Variants in CDC42BPB observed in about 807,000 individuals in gnomAD.
CDC42BPB encodes CDC42 binding protein kinase beta, also known as serine/threonine-protein kinase MRCK beta.
Under a neutral mutation model 214.9 loss-of-function variants are expected in CDC42BPB, and 37 were observed. The ratio of observed to expected loss-of-function variants is 0.17; its 90% confidence interval spans 0.13 to 0.23. The LOEUF (loss-of-function observed/expected upper bound fraction) is 0.23, where lower values mean the gene tolerates loss of function less well. Among genes scored for constraint, CDC42BPB ranks in the 10% least tolerant of loss-of-function variants. CDC42BPB has a pLI of 1.00. For missense variants in CDC42BPB, 1,694 were observed against 2,227.0 expected, an observed-to-expected ratio of 0.76 and a Z score of 4.82; for synonymous variants, 931 against 884.0, an observed-to-expected ratio of 1.05 and a Z score of -0.94.
chr14:103,053,605 C>CA lies in CDC42BPB; in HGVS notation c.175+3393dup, dbSNP rs370364579. Among the ~76,000 whole-genome samples the CA allele has an allele frequency of 1.1e-3, 168 of 149,884 alleles. 1 individual carries two copies. Among genetic ancestry groups the CA allele is most frequent in the African/African-American group, 3.8e-3 (154 of 40,918 alleles). ...TGAAACCCCGTCTCTACTAAAAATACAAAAAAATTAGCCAGGCGTGATGGC... is the reference window on the plus strand; with the variant it reads ...TGAAACCCCGTCTCTACTAAAAATACAAAAAAAATTAGCCAGGCGTGATGGC... On this transcript the variant is annotated intron_variant, in intron 1 of 36. Transcript: ENST00000361246.
chr14:103,009,645 A>T (rs926158950), intron 2 of CDC42BPB, among the ~76,000 whole-genome samples: 1 of 152,224 alleles, frequency 6.6e-6, no homozygotes, highest in Non-Finnish European at 1.5e-5. Flanking sequence ...TTTCTCTCTC[A>T]TTCCTTCATT....
At chr14:102,996,877 T>C (rs569568901) in intron 5 of CDC42BPB, among the ~76,000 whole-genome samples, 1 of 151,654 alleles carries the variant, frequency 6.6e-6, no homozygotes, top group Non-Finnish European at 1.5e-5. Context: ...AAGAAATGTA[T>C]TTTTTAAAAA....
chr14:102,961,677 G>A (rs1269576289), intron 20 of CDC42BPB, among the ~76,000 whole-genome samples: 1 of 152,076 alleles, frequency 6.6e-6, no homozygotes, highest in Admixed American at 6.5e-5. Context: ...CTGAGTAGCT[G>A]GGATTACAGG....
At chr14:103,015,357 C>T (rs1005931029) in intron 1 of CDC42BPB, among the ~76,000 whole-genome samples, 5 of 152,104 alleles carry the variant, frequency 3.3e-5, no homozygotes, top group Admixed American at 2.0e-4. Flanking sequence ...CATGGTGACA[C>T]GCGGCTGTAA....
Position 103,004,181 on chromosome 14 carries a change from A to T in CDC42BPB, c.352-158T>A. Reference sequence around the variant, plus strand: ...CACCACCCCGAGGCTGCTGAGGCTGAGCCATCCCTCATCCCTTCCTCTCCC... The same window carrying T: ...CACCACCCCGAGGCTGCTGAGGCTGTGCCATCCCTCATCCCTTCCTCTCCC... On this transcript the variant is annotated intron_variant, in intron 3 of 36. Coordinates refer to ENST00000361246, the MANE Select transcript of CDC42BPB (RefSeq NM_006035.4). This position sits in a 1 kb window ranked among gnomAD's most constrained non-coding sequence, Gnocchi z 5.3. The T allele has an allele frequency of 7.3e-7, 1 of 1,377,842 alleles. No individual in the cohort carries two copies. Among genetic ancestry groups the T allele is most frequent in the Non-Finnish European group, 9.4e-7 (1 of 1,062,890 alleles). 85.4% of individuals were successfully genotyped at this position (1,377,842 alleles called of 1,614,324 possible).
At chr14:103,016,967 C>T (rs937629864) in intron 1 of CDC42BPB, among the ~76,000 whole-genome samples, 6 of 152,088 alleles carry the variant, frequency 3.9e-5, no homozygotes, top group Non-Finnish European at 7.4e-5. Context: ...CTGCAGCAGC[C>T]GGTGCCCAGA....
At chr14:102,973,671 C>G (rs1402853168) in intron 12 of CDC42BPB, among the ~76,000 whole-genome samples, 21 of 152,200 alleles carry the variant, frequency 1.4e-4, no homozygotes, top group Non-Finnish European at 1.5e-5. Flanking sequence ...GCCACCATGC[C>G]CTATCGACAT....
chr14:102,972,436 C>A, intron 12 of CDC42BPB: 1 of 627,602 alleles, frequency 1.6e-6, no homozygotes, highest in Non-Finnish European at 2.0e-6. Context: ...CCTGTAACCC[C>A]AGCACTTTTG....
At position 102,933,748 on chromosome 14, in the gene CDC42BPB, G is replaced by A. The variant is rs781663654; in HGVS notation, c.5100C>T (p.Pro1700=). 6 of 1,495,482 alleles carry A rather than the reference G, an allele frequency of 4.0e-6. No individual in the cohort carries two copies. Among genetic ancestry groups the A allele is most frequent in the East Asian group, 5.4e-5 (2 of 37,074 alleles). The allele number at this position is 1,495,482 out of a possible 1,614,324, so 92.6% of individuals were successfully genotyped here. ...SPNSPHRSQL[P]LEGLEQPACD... Reference sequence around the variant, plus strand: ...AGGCCGGCTGCTCCAGGCCTTCGAGGGGGAGCTGGCTCCTGTGGGGGGAGT... The same window carrying A: ...AGGCCGGCTGCTCCAGGCCTTCGAGAGGGAGCTGGCTCCTGTGGGGGGAGT... Residue 1700 remains proline, a synonymous_variant, in exon 37 of 37, where the codon CCC becomes CCT. Coordinates refer to ENST00000361246, the MANE Select transcript of CDC42BPB (RefSeq NM_006035.4).
chr14:102,971,637 G>A (rs1334226060), intron 13 of CDC42BPB, among the ~76,000 whole-genome samples: 1 of 152,220 alleles, frequency 6.6e-6, no homozygotes, highest in African/African-American at 2.4e-5. Flanking sequence ...GACTGCAGGT[G>A]TCTTATTCAC....
intron 3 of CDC42BPB, among the ~76,000 whole-genome samples, chr14:103,008,079 C>T (rs967302640): frequency 9.9e-5 from 15 of 152,128 alleles, no homozygotes; most frequent in Admixed American, 9.8e-4. Flanking sequence ...CATTTCTAAT[C>T]GTGAGGATCC....
Position 102,933,815 on chromosome 14 carries a change from G to A in CDC42BPB, c.5033C>T (p.Thr1678Ile). 6.6e-7 allele frequency: 1 copy of A among 1,520,516 alleles called. No homozygotes were observed. The highest frequency in any genetic ancestry group is 1.3e-5 in the South Asian group (1 of 76,400). The allele number at this position is 1,520,516 out of a possible 1,614,324, so 94.2% of individuals were successfully genotyped here. Reference protein sequence around the residue: ...EPDSDSTKHSTPSNSSNPSGP... With the variant: ...EPDSDSTKHSIPSNSSNPSGP... ...GCTGGGGTTGGAGCTATTCGATGGA[G>A]TTGAGTGTTTGGTGGAGTCCGAATC... is the stretch of plus-strand genomic sequence containing the variant. Residue 1678 changes from threonine (T) to isoleucine (I), a missense_variant, in exon 37 of 37, where the codon ACT (threonine) becomes ATT (isoleucine). Physicochemically the swap from Thr to Ile is moderately conservative, Grantham distance 89. Around this residue, in one of 7 missense-constraint regions of CDC42BPB, gnomAD observed 146 missense variants for 134.1 expected, o/e 1.09. Transcript: ENST00000361246.
intron 1 of CDC42BPB, among the ~76,000 whole-genome samples, chr14:103,034,742 C>T (rs58902448): frequency 1.3e-5 from 2 of 150,658 alleles, no homozygotes; most frequent in Non-Finnish European, 2.9e-5. Flanking sequence ...CCCCTGAACC[C>T]GGGAGGCGGA....
chr14:102,964,552 A>G lies in CDC42BPB; in HGVS notation c.2676T>C (p.Leu892=). ...ALEAEIRAKQ[L]VQEELRKVKD... ...TGACCTTCCTGAGCTCCTCCTGGAC[A>G]AGCTGCTTGGCCCGGATCTCCGCCT... The change falls in exon 19 of 37, where the codon CTT becomes CTC. Residue 892 remains leucine (L), a synonymous_variant. Coordinates refer to ENST00000361246, the MANE Select transcript of CDC42BPB (RefSeq NM_006035.4). 3 of 1,613,924 alleles carry G rather than the reference A, an allele frequency of 1.9e-6. No homozygotes were observed. Among genetic ancestry groups the G allele is most frequent in the Non-Finnish European group, 2.5e-6 (3 of 1,180,002 alleles).
At chr14:102,976,972 C>T (rs1264161737) in intron 9 of CDC42BPB, among the ~76,000 whole-genome samples, 1 of 152,192 alleles carries the variant, frequency 6.6e-6, no homozygotes, top group East Asian at 1.9e-4. Context: ...AAGACAGCAG[C>T]TGCCACTTTG....
chr14:102,987,194 A>G (rs1894283559), intron 5 of CDC42BPB, among the ~76,000 whole-genome samples: 1 of 152,214 alleles, frequency 6.6e-6, no homozygotes, highest in Admixed American at 6.5e-5. Context: ...AGATGAAGAC[A>G]TGGAAGCTGA....
rs776986110 is a variant in CDC42BPB, at chr14:102,949,746, G to A, written c.3449+19C>T. The A allele has an allele frequency of 9.3e-6, 15 of 1,613,154 alleles. No homozygotes were observed. In the Admixed American group the frequency reaches 2.0e-4, roughly 21 times the overall value. On this transcript the variant is annotated intron_variant, in intron 26 of 36. Coordinates refer to ENST00000361246, the MANE Select transcript of CDC42BPB (RefSeq NM_006035.4). The stretch of plus-strand genomic sequence containing the variant: ...GAGGAAGATTCACAGAGCAAGGACA[G>A]TGCTGCCCAAACGCAGACCTGAGAT...
chr14:103,003,839 C>A, intron 4 of CDC42BPB, 89 bp downstream of exon 4: 1 of 1,036,326 alleles, frequency 9.6e-7, no homozygotes, highest in Non-Finnish European at 1.4e-6. Context: ...AATGTCAGTT[C>A]CACATTGTCT....
intron 22 of CDC42BPB, 33 bp from the exon 23 acceptor site, chr14:102,954,308 C>T: frequency 1.3e-6 from 2 of 1,485,360 alleles, no homozygotes; most frequent in Non-Finnish European, 1.8e-6. Flanking sequence ...GAGTGTCGGC[C>T]CAGCTCAGCA....
Sources: gnomAD v4.1 joint callset for allele counts (sites outside exome capture counted in the v4.1 genomes callset) on GRCh38, gnomAD v4.1.1 for gene constraint, gnomAD v4.1.1 regional missense constraint, Gnocchi (gnomAD v3.1) non-coding constraint, MANE v1.5 for transcripts, NCBI Gene and HGNC (gene_info 2026-07-23, HGNC 2026-07-21) for gene names.